ANXA1: variants seen among roughly 807,000 people sequenced by gnomAD.
ANXA1 encodes the protein annexin I (lipocortin I).
ANXA1 carries 39 observed loss-of-function variants against 47.9 expected under a neutral mutation model. The observed-to-expected ratio is 0.81, with a 90% CI of 0.63 to 1.06. ANXA1 has a LOEUF of 1.06. Among genes scored for constraint, ANXA1 ranks in the 50% least tolerant of loss-of-function variants. ANXA1 has a pLI of 0.00. For synonymous variants in ANXA1, 146 were observed against 142.5 expected (o/e 1.02, Z -0.17); for missense variants, 446 against 422.7 (o/e 1.06, Z -0.48).
At chr9:73,157,305 A>T (rs1824063127) in intron 1 of ANXA1, among the ~76,000 whole-genome samples, 1 of 152,152 alleles carries the variant, frequency 6.6e-6, no homozygotes, top group African/African-American at 2.4e-5. Context: ...TTTACAATTA[A>T]AATTTTAAAT....
At chr9:73,153,091 C>T (rs1427635775) in intron 1 of ANXA1, among the ~76,000 whole-genome samples, 2 of 152,134 alleles carry the variant, frequency 1.3e-5, no homozygotes, top group African/African-American at 4.8e-5. Context: ...CTGAAATGGC[C>T]TCTTCCCCAA....
rs190998635 is a variant in ANXA1, at chr9:73,162,848, T to C, written c.542T>C (p.Leu181Pro). The change falls in exon 7 of 13, where the codon CTT (leucine) becomes CCT (proline). Residue 181 changes from leucine (L) to proline (P), a missense_variant. Coordinates refer to ENST00000257497, the MANE Select transcript of ANXA1 (RefSeq NM_000700.3). ...DTSGDFRNAL[L>P]SLAKGDRSED... Reference sequence around the variant, plus strand: ...TCTGGAGATTTTCGGAACGCTTTGCTTTCTCTTGCTAAGGTACAACTCAGA... The same window carrying C: ...TCTGGAGATTTTCGGAACGCTTTGCCTTCTCTTGCTAAGGTACAACTCAGA... 1,094 of 1,612,572 alleles carry C rather than the reference T, an allele frequency of 6.8e-4. 11 individuals are homozygous for C. Among genetic ancestry groups the C allele is most frequent in the Non-Finnish European group, 4.0e-5 (47 of 1,178,996 alleles).
rs1159927779 is a variant in ANXA1 at position 73,167,550 on chromosome 9, A to C, written c.856A>C (p.Met286Leu). 3 of 1,613,402 alleles carry C rather than the reference A, an allele frequency of 1.9e-6. No homozygotes were observed. The highest frequency in any genetic ancestry group is 2.5e-6 in the Non-Finnish European group (3 of 1,179,460). ...AFFAEKLHQA[M>L]KGVGTRHKAL... ...CTTTGCAGAGAAGCTTCATCAAGCC[A>C]TGAAAGTATGTACCATTCTACTTAT... is the stretch of plus-strand genomic sequence containing the variant. Residue 286 changes from methionine (M) to leucine (L), a missense_variant, in exon 11 of 13, where the codon ATG (methionine) becomes CTG (leucine). Transcript: ENST00000257497.
chr9:73,168,670 C>T (rs1403566068), intron 11 of ANXA1: 1 of 158,590 alleles, frequency 6.3e-6, no homozygotes, highest in Non-Finnish European at 1.4e-5. Context: ...TGATTAGATT[C>T]TATCCTAAGA....
At chr9:73,154,316 G>C in intron 1 of ANXA1, 2 of 1,366,214 alleles carry the variant, frequency 1.5e-6, no homozygotes, top group Non-Finnish European at 2.0e-6. Context: ...TGCGCAAGTT[G>C]ACTGTTAATG....
At chr9:73,169,906 C>T (rs1824294499) in intron 12 of ANXA1, 145 bp from the exon 13 acceptor site, 2 of 454,054 alleles carry the variant, frequency 4.4e-6, no homozygotes, top group Non-Finnish European at 3.8e-6. Flanking sequence ...AATCAGTTAT[C>T]TGTTGTATAT....
chr9:73,167,639 C>A, intron 11 of ANXA1, 84 bp downstream of exon 11: 2 of 1,276,842 alleles, frequency 1.6e-6, no homozygotes, highest in South Asian at 1.3e-5. Context: ...GTTTGAAAAT[C>A]TCACATTTAA....
Position 73,170,250 on chromosome 9 carries a change from T to A in ANXA1, c.*143T>A. The stretch of plus-strand genomic sequence containing the variant: ...AAAAATATAGCCTTTAAATCATTTT[T>A]ATATTATAACTCTGTATAATAGAGA... On this transcript the variant is annotated 3_prime_UTR_variant, in exon 13 of 13. Transcript: ENST00000257497. 1.8e-6 allele frequency: 1 copy of A among 566,200 alleles called. No individual in the cohort carries two copies. Among genetic ancestry groups the A allele is most frequent in the South Asian group, 3.8e-5 (1 of 26,400 alleles). The allele number at this position is 566,200 out of a possible 1,614,324, so 35.1% of individuals were successfully genotyped here. A position where few individuals can be genotyped will look rare whatever the true frequency, so the allele number is the denominator to read the frequency against.
At chr9:73,169,928 A>T in intron 12 of ANXA1, 123 bp from the exon 13 acceptor site, 1 of 547,956 alleles carries the variant, frequency 1.8e-6, no homozygotes, top group Non-Finnish European at 3.1e-6. Flanking sequence ...TTGTTTAATT[A>T]AGTGAATGGT....
At chr9:73,170,017 C>T (rs757742234) in intron 12 of ANXA1, 34 bp from the exon 13 acceptor site, 1 of 1,518,774 alleles carries the variant, frequency 6.6e-7, no homozygotes, top group African/African-American at 1.4e-5. Context: ...ATGGTTTCGA[C>T]TAACATTAAG....
At chr9:73,165,241 T>C in intron 9 of ANXA1, 32 bp downstream of exon 9, 1 of 1,557,174 alleles carries the variant, frequency 6.4e-7, no homozygotes, top group Non-Finnish European at 8.8e-7. Context: ...TGGAATCTGT[T>C]TATGGAAGAT....
At chr9:73,161,571 T>C (rs1175605794) in intron 6 of ANXA1, among the ~76,000 whole-genome samples, 2 of 152,134 alleles carry the variant, frequency 1.3e-5, no homozygotes, top group Non-Finnish European at 2.9e-5. Flanking sequence ...GCTTTTTGGC[T>C]TTCCCAATGC....
At chr9:73,161,406 C>T (rs766777740) in intron 6 of ANXA1, among the ~76,000 whole-genome samples, 1 of 152,130 alleles carries the variant, frequency 6.6e-6, no homozygotes, top group African/African-American at 2.4e-5. Flanking sequence ...AAGAGACTCA[C>T]TTTATCTCTA....
chr9:73,166,291 G>T, intron 10 of ANXA1, 99 bp downstream of exon 10: 6 of 848,424 alleles, frequency 7.1e-6, no homozygotes, highest in Non-Finnish European at 1.1e-5. Context: ...ACCAATAAAA[G>T]AAAACAAAAA....
chr9:73,166,932 T>G (rs534955802), intron 10 of ANXA1, among the ~76,000 whole-genome samples: 6 of 152,064 alleles, frequency 3.9e-5, no homozygotes, highest in Admixed American at 1.3e-4. Context: ...TATCCCAGAG[T>G]TTTTTCTTCA....
chr9:73,161,290 A>G (rs1441669855), intron 6 of ANXA1, among the ~76,000 whole-genome samples: 5 of 152,194 alleles, frequency 3.3e-5, no homozygotes, highest in East Asian at 1.9e-4. Context: ...ATATATAATA[A>G]CAAAAAAATC....
In ANXA1 at chr9:73,165,228, T is replaced by G; in HGVS notation, c.706+19T>G. The G allele has an allele frequency of 6.3e-7, 1 of 1,598,594 alleles. No homozygotes were observed. Among genetic ancestry groups the G allele is most frequent in the Non-Finnish European group, 8.6e-7 (1 of 1,167,780 alleles). On this transcript the variant is annotated intron_variant, in intron 9 of 12. Coordinates refer to ENST00000257497, the MANE Select transcript of ANXA1 (RefSeq NM_000700.3). ...CGCAGAGGTAACAATAAATTTCTTTTTCTGGAATCTGTTTATGGAAGATGC... is the reference window on the plus strand; with the variant it reads ...CGCAGAGGTAACAATAAATTTCTTTGTCTGGAATCTGTTTATGGAAGATGC...
chr9:73,152,903 T>G lies in ANXA1; in HGVS notation c.-15+979T>G, dbSNP rs1347039254. 3.0e-4 allele frequency among the ~76,000 whole-genome samples: 45 copies of G among 152,254 alleles called. 1 individual carries two copies. Among genetic ancestry groups the G allele is most frequent in the Admixed American group, 2.9e-3 (45 of 15,284 alleles). On this transcript the variant is annotated intron_variant, in intron 1 of 12. Transcript: ENST00000257497. ...ATATTTATTAAATGTTCTGATTTCT[T>G]ATGTTCACTGCTAGCTAATTAACAA...
In ANXA1 at chr9:73,158,525, CTT is replaced by C. The variant is rs779015140; in HGVS notation, c.-7_-6del. 8.7e-6 allele frequency: 14 copies of C among 1,613,006 alleles called. No homozygotes were observed. The highest frequency in any genetic ancestry group is 1.2e-5 in the Non-Finnish European group (14 of 1,179,570). Reference sequence around the variant, plus strand: ...CATCTAACTGTTTTCTTTCCAGACACTTTTTCAAAAATGGCAATGGTATCAGA... The same window carrying C: ...CATCTAACTGTTTTCTTTCCAGACACTTTCAAAAATGGCAATGGTATCAGA... On this transcript the variant is annotated 5_prime_UTR_variant, in exon 2 of 13. Transcript: ENST00000257497.
Sources: allele counts gnomAD v4.1 joint callset (sites outside exome capture counted in the v4.1 genomes callset), GRCh38; gene constraint gnomAD v4.1.1; transcripts MANE v1.5; gene names NCBI Gene and HGNC (gene_info 2026-07-23, HGNC 2026-07-21).